KIF20B: variants seen among roughly 807,000 people sequenced by gnomAD.
The protein encoded by KIF20B is kinesin family member 20B, also known as kinesin-like protein KIF20B.
KIF20B carries 188 observed loss-of-function variants against 232.5 expected under a neutral mutation model. The ratio of observed to expected loss-of-function variants is 0.81; its 90% CI spans 0.72 to 0.91. KIF20B has a LOEUF of 0.91. Among genes scored for constraint, KIF20B ranks in the 40% least tolerant of loss-of-function variants. The pLI is 0.00. For missense variants in KIF20B, 2,154 were observed against 2,055.9 expected, an observed-to-expected ratio of 1.05 and a Z score of -0.92; for synonymous variants, 712 against 683.0, an observed-to-expected ratio of 1.04 and a Z score of -0.66.
intron 28 of KIF20B, among the ~76,000 whole-genome samples, 166 bp from the exon 29 acceptor site, chr10:89,762,472 G>C (rs1390765240): frequency 6.6e-6 from 1 of 152,186 alleles, no homozygotes; most frequent in Non-Finnish European, 1.5e-5. Context: ...GTGTGAGCCT[G>C]AAGAAAGTAG....
chr10:89,738,405 G>A lies in KIF20B; in HGVS notation c.3564G>A (p.Leu1188=). The A allele has an allele frequency of 1.2e-6, 2 of 1,601,146 alleles. No homozygotes were observed. Among genetic ancestry groups the A allele is most frequent in the Non-Finnish European group, 1.7e-6 (2 of 1,176,788 alleles). Residue 1188 remains leucine, a synonymous_variant, in exon 20 of 33, where the codon TTG becomes TTA. Coordinates refer to ENST00000371728, the MANE Select transcript of KIF20B (RefSeq NM_001284259.2). ...SHSAKLEQDI[L]EKESIILKLE... ...CAGCCAAGTTAGAACAAGACATTTT[G>A]GAAAAGGAATCTATCATCTTAAAGC...
intron 6 of KIF20B, among the ~76,000 whole-genome samples, chr10:89,712,317 G>A (rs1326483166): frequency 6.6e-6 from 1 of 151,640 alleles, no homozygotes; most frequent in Non-Finnish European, 1.5e-5. Flanking sequence ...ATAGCGGTAT[G>A]ATCATAGCTC....
chr10:89,738,188 A>G lies in KIF20B; in HGVS notation c.3347A>G (p.Glu1116Gly), dbSNP rs766853715. The change falls in exon 20 of 33, where the codon GAA (glutamate) becomes GGA (glycine). Residue 1116 changes from glutamate (E) to glycine (G), a missense_variant. By Grantham distance (98) the Glu-to-Gly change is moderately conservative (BLOSUM62 -2). Transcript: ENST00000371728. ...EHKNQDDLLK[E>G]KETLIQQLKE... The stretch of plus-strand genomic sequence containing the variant: ...AAAAACCAAGATGACCTACTAAAAG[A>G]AAAAGAAACTCTTATACAGCAGCTG... 1.7e-5 allele frequency: 28 copies of G among 1,606,370 alleles called. No homozygotes were observed. The highest frequency in any genetic ancestry group is 2.3e-5 in the Non-Finnish European group (27 of 1,178,870).
chr10:89,766,772 A>G (rs1842369793), intron 29 of KIF20B, among the ~76,000 whole-genome samples: 1 of 152,074 alleles, frequency 6.6e-6, no homozygotes, highest in South Asian at 2.1e-4. Context: ...AGTGAATATT[A>G]TTCAGCATAG....
intron 8 of KIF20B, among the ~76,000 whole-genome samples, 196 bp downstream of exon 8, chr10:89,715,378 G>A (rs1380211146): frequency 6.6e-6 from 1 of 152,086 alleles, no homozygotes; most frequent in East Asian, 1.9e-4. Flanking sequence ...GTCTATTTTG[G>A]TATTGTATTT....
At position 89,738,138 on chromosome 10, in the gene KIF20B, C is replaced by T; in HGVS notation, c.3297C>T (p.Asn1099=). The part of the protein sequence containing the change: ...QAEVKGYKDE[N]NRLKEKEHKN... ...AAGTAAAAGGCTATAAGGATGAAAA[C>T]AATAGACTAAAGGAGAAGGAGCATA... Residue 1099 remains asparagine (N), a synonymous_variant, in exon 20 of 33, where the codon AAC becomes AAT. Transcript: ENST00000371728. 3 of 1,551,400 alleles carry T rather than the reference C, an allele frequency of 1.9e-6. No individual in the cohort carries two copies. The highest frequency in any genetic ancestry group is 2.6e-6 in the Non-Finnish European group (3 of 1,144,936).
intron 2 of KIF20B, among the ~76,000 whole-genome samples, chr10:89,707,704 G>A (rs1842753654): frequency 6.6e-6 from 1 of 150,486 alleles, no homozygotes. Context: ...AATGTTACTA[G>A]AAGTGGGGAA....
Position 89,726,460 on chromosome 10 carries a change from A to G in KIF20B, c.2169A>G (p.Glu723=). 1 of 1,608,550 alleles carries G rather than the reference A, an allele frequency of 6.2e-7. No individual in the cohort carries two copies. The highest frequency in any genetic ancestry group is 8.5e-7 in the Non-Finnish European group (1 of 1,176,918). The change falls in exon 16 of 33, where the codon GAA becomes GAG. Residue 723 remains glutamate, a synonymous_variant. Coordinates refer to ENST00000371728, the MANE Select transcript of KIF20B (RefSeq NM_001284259.2). ...TAAAGTTTAATCAAATTAAAGCTGA[A>G]TTAGCTAAAACCAAAGGAGAATTAA... is the stretch of plus-strand genomic sequence containing the variant. ...LELKFNQIKA[E]LAKTKGELIK... is the part of the protein sequence containing the mutation.
intron 29 of KIF20B, among the ~76,000 whole-genome samples, chr10:89,763,782 G>A (rs999147051): frequency 6.6e-6 from 1 of 150,900 alleles, no homozygotes; most frequent in Non-Finnish European, 1.5e-5. Flanking sequence ...AAAATGCTTC[G>A]CTTTTGCTCT....
chr10:89,724,189 A>T (rs950123220), intron 14 of KIF20B, 86 bp downstream of exon 14: 1 of 1,248,096 alleles, frequency 8.0e-7, no homozygotes. Flanking sequence ...TACTTTTTAT[A>T]TTAGGTGGCT....
chr10:89,740,954 A>G (rs922722223), intron 21 of KIF20B, among the ~76,000 whole-genome samples: 1 of 152,186 alleles, frequency 6.6e-6, no homozygotes, highest in African/African-American at 2.4e-5. Context: ...CAATTTTTCC[A>G]TGGACCAGGG....
At chr10:89,742,734 C>G (rs143173542) in intron 21 of KIF20B, among the ~76,000 whole-genome samples, 2,020 of 136,864 alleles carry the variant, frequency 0.015, 57 homozygotes, top group African/African-American at 0.053. Context: ...GAGTCTCACT[C>G]TGTTGCCCAG....
chr10:89,711,530 A>G (rs1242041925), intron 6 of KIF20B, among the ~76,000 whole-genome samples: 3 of 152,112 alleles, frequency 2.0e-5, no homozygotes, highest in Non-Finnish European at 4.4e-5. Context: ...TAAAGAAAAA[A>G]TTATTAATAG....
chr10:89,731,016 G>T (rs1214337495), intron 18 of KIF20B, among the ~76,000 whole-genome samples: 4 of 152,190 alleles, frequency 2.6e-5, no homozygotes, highest in Non-Finnish European at 5.9e-5. Context: ...GATTTGTGAA[G>T]TAAGGGGATG....
chr10:89,705,408 T>C lies in KIF20B; in HGVS notation c.114T>C (p.Ser38=). The C allele has an allele frequency of 6.2e-7, 1 of 1,614,068 alleles. No homozygotes were observed. Among genetic ancestry groups the C allele is most frequent in the South Asian group, 1.1e-5 (1 of 91,078 alleles). The part of the protein sequence containing the change: ...INFDGIKLDL[S]HEFSLVAPNT... ...TCGATGGCATTAAGCTTGATCTGTCTCATGAATTTTCCTTAGTTGCTCCAA... is the reference window on the plus strand; with the variant it reads ...TCGATGGCATTAAGCTTGATCTGTCCCATGAATTTTCCTTAGTTGCTCCAA... Residue 38 remains serine, a synonymous_variant, in exon 2 of 33, where the codon TCT becomes TCC. Transcript: ENST00000371728.
At chr10:89,722,970 G>A (rs1041004198) in intron 13 of KIF20B, among the ~76,000 whole-genome samples, 21 of 152,096 alleles carry the variant, frequency 1.4e-4, no homozygotes, top group African/African-American at 4.1e-4. Context: ...ATTGATTACG[G>A]TAGTTTATGG....
rs376548512 is a variant in KIF20B at position 89,754,608 on chromosome 10, C to T, written c.4438C>T (p.Arg1480Ter). The T allele has an allele frequency of 3.7e-6, 6 of 1,601,616 alleles. No homozygotes were observed. The highest frequency in any genetic ancestry group is 1.7e-5 in the Admixed American group (1 of 58,408). The change falls in exon 26 of 33, where the codon CGA (arginine) becomes TGA (stop). Residue 1480 changes from arginine to a stop codon, truncating the protein, a stop_gained. Coordinates refer to ENST00000371728, the MANE Select transcript of KIF20B (RefSeq NM_001284259.2). LOFTEE classifies it high-confidence loss of function. The stretch of plus-strand genomic sequence containing the variant: ...TCAAGCGAAAGAAGCAGAGAATATA[C>T]GAAATAAAGAGATGAAAAAATATGC... The part of the protein sequence containing the change: ...ITQAKEAENI[R>*]NKEMKKYAED...
At chr10:89,756,958 T>C (rs1842131351) in intron 26 of KIF20B, among the ~76,000 whole-genome samples, 1 of 151,500 alleles carries the variant, frequency 6.6e-6, no homozygotes, top group South Asian at 2.1e-4. Context: ...TTGGCTGTTA[T>C]GAATAAATTT....
Position 89,752,750 on chromosome 10 carries a change from AAG to A in KIF20B, c.4347+62_4347+63del. The A allele has an allele frequency of 1.6e-6, 2 of 1,257,216 alleles. 1 individual carries two copies. Among genetic ancestry groups the A allele is most frequent in the Non-Finnish European group, 2.1e-6 (2 of 942,096 alleles). The allele number at this position is 1,257,216 out of a possible 1,614,324, so 77.9% of individuals were successfully genotyped here. On this transcript the variant is annotated intron_variant, in intron 25 of 32. Coordinates refer to ENST00000371728, the MANE Select transcript of KIF20B (RefSeq NM_001284259.2). ...TATCTGTCTTCATTATATTTCTAAT[AAG>A]AGGAGAATTCAGTATTTTATATTTA...
Sources: gnomAD v4.1 joint callset for allele counts (sites outside exome capture counted in the v4.1 genomes callset) on GRCh38, gnomAD v4.1.1 for gene constraint, MANE v1.5 for transcripts, NCBI Gene and HGNC (gene_info 2026-07-23, HGNC 2026-07-21) for gene names.